PDE4D: variants seen among roughly 807,000 people sequenced by gnomAD.
PDE4D encodes the protein 3',5'-cyclic-AMP phosphodiesterase 4D.
PDE4D carries 24 observed loss-of-function variants against 87.4 expected under a neutral mutation model. The ratio of observed to expected loss-of-function variants is 0.27; its 90% confidence interval spans 0.20 to 0.39. PDE4D has a LOEUF of 0.39. Ranked by LOEUF, PDE4D falls within the 10% of genes least tolerant of loss-of-function variation. The pLI, the probability that PDE4D is intolerant of heterozygous loss-of-function variation, is 1.00. For synonymous variants in PDE4D, 384 were observed against 383.2 expected (o/e 1.00, Z -0.02); for missense variants, 714 against 1,041.0 (o/e 0.69, Z 4.32).
intron 2 of PDE4D, 179 bp from the exon 3 acceptor site, chr5:59,193,715 T>C (rs1744819306): frequency 1.6e-5 from 16 of 985,362 alleles, no homozygotes; most frequent in African/African-American, 3.5e-5. Flanking sequence ...TCTTCTGGGA[T>C]GTTAACAATT....
At chr5:59,513,526 T>A (rs534144009) in intron 1 of PDE4D, among the ~76,000 whole-genome samples, 1 of 152,306 alleles carries the variant, frequency 6.6e-6, no homozygotes, top group East Asian at 1.9e-4. Flanking sequence ...CTTTCACAAA[T>A]GAGGCAATTA....
intron 2 of PDE4D, among the ~76,000 whole-genome samples, chr5:60,163,589 T>C (rs1357986906): frequency 6.6e-6 from 1 of 152,186 alleles, no homozygotes; most frequent in Non-Finnish European, 1.5e-5. Context: ...CCGATGATTA[T>C]CATACTTGTG....
intron 1 of PDE4D, among the ~76,000 whole-genome samples, chr5:60,201,995 A>G (rs905373452): frequency 6.6e-6 from 1 of 152,234 alleles, no homozygotes; most frequent in African/African-American, 2.4e-5. Context: ...TTATGCCAGA[A>G]TAAAGTCCAG....
At position 60,135,487 on chromosome 5, in the gene PDE4D, A is replaced by G. The variant is rs572188087; in HGVS notation, c.42+50070T>C. ...TGCAAGATGAGCTATGAAAAAAAGT[A>G]GTCTATCGTTCAAAAATGGGGGAAG... On this transcript the variant is annotated intron_variant, in intron 2 of 16. Transcript: ENST00000502484. Among the ~76,000 whole-genome samples the G allele has an allele frequency of 2.0e-5, 3 of 152,334 alleles. No homozygotes were observed. The South Asian group carries it at 6.2e-4, about 32-fold the overall frequency.
chr5:59,140,318 T>C (rs1016712595), intron 5 of PDE4D, among the ~76,000 whole-genome samples: 1 of 152,210 alleles, frequency 6.6e-6, no homozygotes, highest in Admixed American at 6.5e-5. Flanking sequence ...GTCTAAGAGC[T>C]TTCTTTAGCT....
chr5:58,981,448 A>G (rs1041170598), intron 11 of PDE4D, among the ~76,000 whole-genome samples: 3 of 150,084 alleles, frequency 2.0e-5, no homozygotes, highest in African/African-American at 7.4e-5. Context: ...AAATACTAAT[A>G]TAAAGTTAAT....
At chr5:59,876,468 T>C (rs1748621275) in intron 1 of PDE4D, among the ~76,000 whole-genome samples, 1 of 152,228 alleles carries the variant, frequency 6.6e-6, no homozygotes, top group South Asian at 2.1e-4. Context: ...CATCTCTTTA[T>C]TCTTTATCCA....
chr5:60,202,994 C>G (rs996310275), intron 1 of PDE4D, among the ~76,000 whole-genome samples: 1 of 152,150 alleles, frequency 6.6e-6, no homozygotes, highest in Non-Finnish European at 1.5e-5. Flanking sequence ...TTTTTTGAGA[C>G]AGAGTTTCAC....
intron 1 of PDE4D, among the ~76,000 whole-genome samples, chr5:59,454,338 G>C (rs1350978653): frequency 1.3e-5 from 2 of 152,134 alleles, no homozygotes; most frequent in African/African-American, 4.8e-5. Context: ...AATTATGGGG[G>C]ACAGGTCTTT....
At chr5:59,946,372 T>C (rs1271618143) in intron 3 of PDE4D, among the ~76,000 whole-genome samples, 1 of 152,192 alleles carries the variant, frequency 6.6e-6, no homozygotes, top group African/African-American at 2.4e-5. Context: ...TCAGCAATTA[T>C]TACAGGGAGG....
intron 1 of PDE4D, among the ~76,000 whole-genome samples, chr5:59,858,658 T>C (rs6873774): frequency 0.1 from 15,675 of 152,140 alleles, 2,546 homozygotes; most frequent in African/African-American, 0.34. Flanking sequence ...TAACTATCCA[T>C]AAGTTCAACA....
intron 1 of PDE4D, among the ~76,000 whole-genome samples, chr5:59,696,534 G>C (rs1751810085): frequency 6.6e-6 from 1 of 152,162 alleles, no homozygotes; most frequent in Non-Finnish European, 1.5e-5. Context: ...TAGTGGAGAG[G>C]AATGCATTTG....
chr5:60,083,574 G>T (rs7734665), intron 2 of PDE4D, among the ~76,000 whole-genome samples: 4,796 of 152,320 alleles, frequency 0.031, 241 homozygotes, highest in African/African-American at 0.11. Flanking sequence ...CAGTATGGAA[G>T]ATAGAGAAGT....
Position 60,010,557 on chromosome 5 carries a change from CT to C in PDE4D, c.43-21841del, listed in dbSNP as rs1764925382. 2.0e-5 allele frequency among the ~76,000 whole-genome samples: 3 copies of C among 152,132 alleles called. No individual in the cohort carries two copies. The South Asian group carries it at 6.2e-4, about 32-fold the overall frequency. On this transcript the variant is annotated intron_variant, in intron 2 of 16. Transcript: ENST00000502484. ...TGGTATGTGGTACTGCACATGACAT[CT>C]GTGTACCCCTCATACTTCCTCTTGC... is the stretch of plus-strand genomic sequence containing the variant.
intron 6 of PDE4D, among the ~76,000 whole-genome samples, chr5:59,010,746 G>A (rs1188532027): frequency 6.6e-6 from 1 of 152,138 alleles, no homozygotes; most frequent in African/African-American, 2.4e-5. Context: ...GAGTGATGCA[G>A]AAGACGGGTG....
chr5:59,826,201 G>A (rs1457277297), intron 1 of PDE4D, among the ~76,000 whole-genome samples: 1 of 152,034 alleles, frequency 6.6e-6, no homozygotes, highest in Non-Finnish European at 1.5e-5. Flanking sequence ...TCAAGTTTGG[G>A]CCTTGTTCAC....
intron 5 of PDE4D, among the ~76,000 whole-genome samples, chr5:59,090,697 C>T (rs1015430915): frequency 2.6e-5 from 4 of 151,390 alleles, no homozygotes; most frequent in Admixed American, 6.6e-5. Flanking sequence ...AACAACAAGA[C>T]GGAATCCAAA....
intron 3 of PDE4D, among the ~76,000 whole-genome samples, chr5:59,907,314 C>T (rs752536079): frequency 3.4e-4 from 51 of 151,834 alleles, no homozygotes; most frequent in Admixed American, 1.1e-3. Flanking sequence ...CATTAGTGGT[C>T]GGCAAACTGT....
intron 2 of PDE4D, among the ~76,000 whole-genome samples, chr5:59,199,043 C>G (rs1314010105): frequency 6.6e-6 from 1 of 152,046 alleles, no homozygotes; most frequent in African/African-American, 2.4e-5. Context: ...TTTACTATTA[C>G]GAAATCATAA....
Sources: gnomAD v4.1 joint callset for allele counts (sites outside exome capture counted in the v4.1 genomes callset) on GRCh38, gnomAD v4.1.1 for gene constraint, MANE v1.5 for transcripts, NCBI Gene and HGNC (gene_info 2026-07-23, HGNC 2026-07-21) for gene names.